Variants in FREM1 observed in about 807,000 individuals in gnomAD.
The protein encoded by FREM1 is FRAS1 related extracellular matrix 1, also known as FRAS1-related extracellular matrix protein 1.
Under a neutral mutation model 210.1 loss-of-function variants are expected in FREM1, and 220 were observed. The observed-to-expected ratio is 1.05, with a 90% CI of 0.94 to 1.17. The LOEUF (loss-of-function observed/expected upper bound fraction) is 1.17, where lower values mean the gene tolerates loss of function less well. Ranked by LOEUF, FREM1 falls within the 50% of genes most tolerant of loss-of-function variation. FREM1 has a pLI of 0.00. For synonymous variants in FREM1, 1,189 were observed against 980.2 expected, an observed-to-expected ratio of 1.21 and a Z score of -3.98; for missense variants, 3,454 against 2,675.5, an observed-to-expected ratio of 1.29 and a Z score of -6.42.
chr9:14,795,980 T>C (rs2133164029), intron 21 of FREM1, among the ~76,000 whole-genome samples: 1 of 152,298 alleles, frequency 6.6e-6, no homozygotes, highest in Middle Eastern at 3.4e-3. Flanking sequence ...TTTTCATATT[T>C]ATAAATAAAG....
At chr9:14,896,823 T>G (rs115533552) in intron 1 of FREM1, among the ~76,000 whole-genome samples, 2,749 of 152,298 alleles carry the variant, frequency 0.018, 85 homozygotes, top group African/African-American at 0.063. Flanking sequence ...ACTTCCACTA[T>G]TCAGGGTGAA....
At chr9:14,884,708 C>T (rs1277576413) in intron 1 of FREM1, among the ~76,000 whole-genome samples, 1 of 151,712 alleles carries the variant, frequency 6.6e-6, no homozygotes, top group Non-Finnish European at 1.5e-5. Flanking sequence ...AATCTGTGCA[C>T]AACAAGAAAA....
At chr9:14,749,808 G>A (rs1264442138) in intron 30 of FREM1, among the ~76,000 whole-genome samples, 2 of 152,106 alleles carry the variant, frequency 1.3e-5, no homozygotes, top group Non-Finnish European at 2.9e-5. Flanking sequence ...GATAATTATA[G>A]CTCTACAGAC....
rs796469457 is a variant in FREM1 at position 14,861,036 on chromosome 9, T to C, written c.330-1552A>G. 2.6e-4 allele frequency among the ~76,000 whole-genome samples: 17 copies of C among 65,772 alleles called. 1 individual carries two copies. The highest frequency in any genetic ancestry group is 6.1e-4 in the African/African-American group (8 of 13,204). The allele number at this position is 65,772 out of a possible 152,430, so 43.1% of individuals were successfully genotyped here. On this transcript the variant is annotated intron_variant, in intron 3 of 36. Transcript: ENST00000380880. Reference sequence around the variant, plus strand: ...ACATATATACACATATATACATATATACATATATACATATATACATATATA... The same window carrying C: ...ACATATATACACATATATACATATACACATATATACATATATACATATATA...
chr9:14,792,303 C>CACACACAG (rs369927789), intron 22 of FREM1, among the ~76,000 whole-genome samples: 1,475 of 137,700 alleles, frequency 0.011, 8 homozygotes, highest in South Asian at 0.019. Flanking sequence ...CACACACACA[C>CACACACAG]AGAGAGAGAG....
intron 16 of FREM1, among the ~76,000 whole-genome samples, chr9:14,810,073 G>T (rs1301919548): frequency 6.6e-6 from 1 of 152,146 alleles, no homozygotes; most frequent in Non-Finnish European, 1.5e-5. Context: ...GCCAAGGAAA[G>T]TCAGCAAAGT....
intron 27 of FREM1, among the ~76,000 whole-genome samples, chr9:14,769,290 T>A (rs1847077604): frequency 6.6e-6 from 1 of 152,200 alleles, no homozygotes. Flanking sequence ...AAAGAGAAGA[T>A]GTTTGGCTAA....
intron 18 of FREM1, 112 bp from the exon 19 acceptor site, chr9:14,805,264 C>G: frequency 1.7e-6 from 1 of 571,824 alleles, no homozygotes; most frequent in Non-Finnish European, 3.0e-6. Flanking sequence ...AATAAGAGAT[C>G]ATAGCAGTTG....
At chr9:14,895,232 C>G (rs1837498334) in intron 1 of FREM1, among the ~76,000 whole-genome samples, 2 of 152,200 alleles carry the variant, frequency 1.3e-5, no homozygotes, top group South Asian at 4.1e-4. Context: ...ATTATTCCTG[C>G]TGCACTTCAT....
chr9:14,848,122 G>C (rs1436591038), intron 7 of FREM1, among the ~76,000 whole-genome samples: 1 of 152,172 alleles, frequency 6.6e-6, no homozygotes, highest in Admixed American at 6.5e-5. Context: ...GGATCAGTGA[G>C]AAGGAAAAGA....
intron 1 of FREM1, among the ~76,000 whole-genome samples, chr9:14,871,265 CT>C (rs1236546512): frequency 1.3e-5 from 2 of 152,192 alleles, no homozygotes; most frequent in African/African-American, 4.8e-5. Flanking sequence ...GTTTACAGTC[CT>C]ACCAACAGTG....
intron 2 of FREM1, among the ~76,000 whole-genome samples, chr9:14,864,197 G>C (rs1312104794): frequency 1.3e-5 from 2 of 152,164 alleles, no homozygotes. Flanking sequence ...TTACCACCTA[G>C]AGTGCATTTA....
intron 3 of FREM1, among the ~76,000 whole-genome samples, chr9:14,861,052 TAC>T (rs1204225019): frequency 1.5e-4 from 11 of 72,884 alleles, no homozygotes; most frequent in South Asian, 3.8e-4. Flanking sequence ...TATACATATA[TAC>T]ATATATACAC....
intron 1 of FREM1, among the ~76,000 whole-genome samples, chr9:14,869,979 G>C (rs539150287): frequency 1.3e-5 from 2 of 152,188 alleles, no homozygotes; most frequent in Non-Finnish European, 2.9e-5. Flanking sequence ...TAGAGTCTTT[G>C]TTTCCACTTT....
At chr9:14,793,950 CA>C (rs1206116363) in intron 21 of FREM1, among the ~76,000 whole-genome samples, 1 of 152,136 alleles carries the variant, frequency 6.6e-6, no homozygotes. Flanking sequence ...GAAAGCTAAG[CA>C]ATCAGTTGGT....
chr9:14,878,862 C>T (rs1834264797), intron 1 of FREM1, among the ~76,000 whole-genome samples: 1 of 151,742 alleles, frequency 6.6e-6, no homozygotes, highest in African/African-American at 2.4e-5. Flanking sequence ...AAAGAAAAAA[C>T]AAAAACAAAA....
At chr9:14,909,166 A>G (rs1392080890) in intron 1 of FREM1, among the ~76,000 whole-genome samples, 1 of 152,208 alleles carries the variant, frequency 6.6e-6, no homozygotes, top group Non-Finnish European at 1.5e-5. Context: ...AATGCACACC[A>G]AGCAACAAGA....
At chr9:14,793,374 C>T (rs1452926820) in intron 21 of FREM1, among the ~76,000 whole-genome samples, 1 of 152,188 alleles carries the variant, frequency 6.6e-6, no homozygotes, top group African/African-American at 2.4e-5. Context: ...CTGGGACTCT[C>T]TAAATTACTC....
chr9:14,889,834 T>C (rs1836478591), intron 1 of FREM1, among the ~76,000 whole-genome samples: 1 of 152,158 alleles, frequency 6.6e-6, no homozygotes, highest in Admixed American at 6.5e-5. Flanking sequence ...ATAAGTGCCA[T>C]GTGACGTGGG....
Sources: gnomAD v4.1 joint callset for allele counts (sites outside exome capture counted in the v4.1 genomes callset) on GRCh38, gnomAD v4.1.1 for gene constraint, MANE v1.5 for transcripts, NCBI Gene and HGNC (gene_info 2026-07-23, HGNC 2026-07-21) for gene names.